ZNF385D: variants seen among roughly 807,000 people sequenced by gnomAD.
The protein encoded by ZNF385D is zinc finger protein 385D.
A neutral mutation model predicts 35.8 loss-of-function variants in ZNF385D; 15 were observed. The observed-to-expected ratio is 0.42, with a 90% CI of 0.28 to 0.64. The LOEUF is 0.64. Among genes scored for constraint, ZNF385D ranks in the 30% least tolerant of loss-of-function variants. The pLI is 0.23. For synonymous variants in ZNF385D, 212 were observed against 186.8 expected (o/e 1.13, Z -1.10); for missense variants, 474 against 494.6 (o/e 0.96, Z 0.39).
Position 21,765,689 on chromosome 3 carries a change from G to A in ZNF385D, c.326-100661C>T, listed in dbSNP as rs74322369. Reference sequence around the variant, plus strand: ...AAGAAATAGAGATACATATAAGTGCGTGCGTGCATGCACACGCACACACAT... The same window carrying A: ...AAGAAATAGAGATACATATAAGTGCATGCGTGCATGCACACGCACACACAT... On this transcript the variant is annotated intron_variant, in intron 3 of 5. Coordinates refer to the ZNF385D transcript ENST00000494108. Among the ~76,000 whole-genome samples the A allele has an allele frequency of 3.6e-4, 55 of 151,324 alleles. No individual in the cohort carries two copies. In the East Asian group the frequency reaches 8.1e-3, roughly 22 times the overall value.
intron 3 of ZNF385D, among the ~76,000 whole-genome samples, chr3:21,784,015 A>AG (rs1281212431): frequency 1.3e-5 from 2 of 152,116 alleles, no homozygotes; most frequent in African/African-American, 4.8e-5. Context: ...CACAGACTGC[A>AG]GTACAGTGTT....
At chr3:21,461,487 G>A (rs150174229) in intron 4 of ZNF385D, among the ~76,000 whole-genome samples, 2,059 of 152,262 alleles carry the variant, frequency 0.014, 17 homozygotes, top group Middle Eastern at 0.031. Flanking sequence ...GGCAGAGGTT[G>A]CAGTGAGCCG....
intron 3 of ZNF385D, among the ~76,000 whole-genome samples, chr3:22,125,480 T>C (rs774912071): frequency 6.6e-6 from 1 of 152,142 alleles, no homozygotes; most frequent in Non-Finnish European, 1.5e-5. Flanking sequence ...AAGGATTGCA[T>C]TGAACTTGTG....
intron 3 of ZNF385D, among the ~76,000 whole-genome samples, chr3:21,811,193 A>G (rs1575693461): frequency 6.6e-6 from 1 of 152,126 alleles, no homozygotes; most frequent in South Asian, 2.1e-4. Context: ...CATGAATCCT[A>G]TTTCTTAGCT....
At chr3:21,479,522 A>G (rs913575467) in intron 4 of ZNF385D, among the ~76,000 whole-genome samples, 1 of 152,158 alleles carries the variant, frequency 6.6e-6, no homozygotes, top group Non-Finnish European at 1.5e-5. Flanking sequence ...CAAGAATAAA[A>G]AATTAAGACA....
At position 21,433,052 on chromosome 3, in the gene ZNF385D, T is replaced by C. The variant is rs962317338; in HGVS notation, c.673+3918A>G. Among the ~76,000 whole-genome samples, 3 of 152,050 alleles carry C rather than the reference T, an allele frequency of 2.0e-5. No individual in the cohort carries two copies. The East Asian group carries it at 5.8e-4, about 29-fold the overall frequency. ...AGCAACAGAGAAAGAGAAAGAGAGATAGAAAGACAGATATATACAAAGGCC... is the reference window on the plus strand; with the variant it reads ...AGCAACAGAGAAAGAGAAAGAGAGACAGAAAGACAGATATATACAAAGGCC... On this transcript the variant is annotated intron_variant, in intron 5 of 7. Transcript: ENST00000281523.
chr3:21,610,055 GT>G (rs1350216156), intron 2 of ZNF385D, among the ~76,000 whole-genome samples: 1 of 151,358 alleles, frequency 6.6e-6, no homozygotes, highest in Non-Finnish European at 1.5e-5. Context: ...CCACTATGCT[GT>G]TATTACTTTC....
chr3:21,926,031 G>T (rs1700708163), intron 3 of ZNF385D, among the ~76,000 whole-genome samples: 1 of 152,102 alleles, frequency 6.6e-6, no homozygotes, highest in Non-Finnish European at 1.5e-5. Context: ...TGGATAGTCG[G>T]AATGTAAAAT....
chr3:21,651,374 T>A (rs1305597298), intron 2 of ZNF385D, among the ~76,000 whole-genome samples: 1 of 150,074 alleles, frequency 6.7e-6, no homozygotes, highest in African/African-American at 2.4e-5. Context: ...ATGTTCTGAC[T>A]CAGGTTATTT....
At chr3:21,710,860 T>C (rs2068073695) in intron 1 of ZNF385D, among the ~76,000 whole-genome samples, 2 of 152,124 alleles carry the variant, frequency 1.3e-5, no homozygotes, top group African/African-American at 2.4e-5. Context: ...ACAGCCTTGA[T>C]GTTAAGAAGT....
At chr3:22,111,152 AT>A (rs61708178) in intron 3 of ZNF385D, among the ~76,000 whole-genome samples, 8,645 of 69,188 alleles carry the variant, frequency 0.12, 252 homozygotes, top group East Asian at 0.26. Context: ...TCCATGTTGG[AT>A]TTTTTTTTTT....
intron 3 of ZNF385D, among the ~76,000 whole-genome samples, chr3:22,138,099 C>T (rs191819273): frequency 0.015 from 2,285 of 152,052 alleles, 59 homozygotes; most frequent in African/African-American, 0.051. Context: ...CCTAGGAATC[C>T]ACCTTACAAG....
chr3:21,923,849 G>A (rs545338270), intron 3 of ZNF385D, among the ~76,000 whole-genome samples: 1 of 152,028 alleles, frequency 6.6e-6, no homozygotes, highest in East Asian at 1.9e-4. Context: ...GGGAGGGAGG[G>A]GAGGAAATGG....
chr3:22,230,684 G>T (rs1698833884), intron 2 of ZNF385D, among the ~76,000 whole-genome samples: 1 of 152,110 alleles, frequency 6.6e-6, no homozygotes, highest in Admixed American at 6.5e-5. Context: ...GAGTACATAT[G>T]CCATTTTCTA....
chr3:22,340,581 G>A (rs1347974542), intron 2 of ZNF385D, among the ~76,000 whole-genome samples: 1 of 152,132 alleles, frequency 6.6e-6, no homozygotes, highest in Non-Finnish European at 1.5e-5. Flanking sequence ...GGGACGTGGA[G>A]GTTGCAGTGA....
intron 3 of ZNF385D, among the ~76,000 whole-genome samples, chr3:21,936,740 A>C (rs1179656745): frequency 6.6e-6 from 1 of 152,150 alleles, no homozygotes; most frequent in Non-Finnish European, 1.5e-5. Flanking sequence ...TCCTCATTAA[A>C]AGCTAAAATT....
At position 21,751,019 on chromosome 3, in the gene ZNF385D, T is replaced by A. The variant is rs938760835; in HGVS notation, c.-103A>T. 3 of 1,602,126 alleles carry A rather than the reference T, an allele frequency of 1.9e-6. No individual in the cohort carries two copies. Among genetic ancestry groups the A allele is most frequent in the African/African-American group, 1.3e-5 (1 of 74,678 alleles). ...TTTCATGCTACATTCGGTGGAAATG[T>A]CCCCGGCGTGGAGAGCAGTGAGCGC... On this transcript the variant is annotated 5_prime_UTR_variant, in exon 1 of 8. Transcript: ENST00000281523.
intron 2 of ZNF385D, among the ~76,000 whole-genome samples, chr3:21,589,090 C>G (rs1456055158): frequency 1.3e-5 from 2 of 151,950 alleles, no homozygotes; most frequent in East Asian, 3.9e-4. Flanking sequence ...TTCAAATAGT[C>G]ACAAGAGTAT....
intron 1 of ZNF385D, among the ~76,000 whole-genome samples, chr3:21,696,981 AG>A (rs1286594176): frequency 6.6e-6 from 1 of 152,208 alleles, no homozygotes; most frequent in Non-Finnish European, 1.5e-5. Context: ...TACTTTTAAA[AG>A]TAACAGTTTA....
Sources: allele counts gnomAD v4.1 joint callset (sites outside exome capture counted in the v4.1 genomes callset), GRCh38; gene constraint gnomAD v4.1.1; transcripts MANE v1.5; gene names NCBI Gene and HGNC (gene_info 2026-07-23, HGNC 2026-07-21).